GLRA3: variants seen among roughly 807,000 people sequenced by gnomAD.
The protein encoded by GLRA3 is glycine receptor alpha 3.
In GLRA3, 44 loss-of-function variants were observed where a neutral mutation model predicts 60.4. The ratio of observed to expected loss-of-function variants is 0.73; its 90% CI spans 0.57 to 0.94. GLRA3 has a LOEUF of 0.94. GLRA3 is among the 40% of genes least tolerant of loss of function. The pLI is 0.00. For missense variants in GLRA3, 508 were observed against 564.6 expected (o/e 0.90, Z 1.02); for synonymous variants, 223 against 192.9 (o/e 1.16, Z -1.29).
intron 4 of GLRA3, among the ~76,000 whole-genome samples, chr4:174,719,206 G>C (rs907338432): frequency 6.6e-6 from 1 of 151,062 alleles, no homozygotes. Flanking sequence ...CTCGTGATCC[G>C]CCCGCCTCGG....
chr4:174,822,441 GT>G (rs1740776526), intron 1 of GLRA3, among the ~76,000 whole-genome samples: 1 of 152,082 alleles, frequency 6.6e-6, no homozygotes, highest in Non-Finnish European at 1.5e-5. Flanking sequence ...GGAAAAAATA[GT>G]TCATTTTGTC....
At chr4:174,669,159 A>G (rs190700486) in intron 7 of GLRA3, among the ~76,000 whole-genome samples, 2 of 152,138 alleles carry the variant, frequency 1.3e-5, no homozygotes, top group East Asian at 1.9e-4. Context: ...CCTTAATCCT[A>G]CATTTCTCCT....
chr4:174,796,102 G>A (rs1172344989), intron 1 of GLRA3, among the ~76,000 whole-genome samples: 1 of 152,086 alleles, frequency 6.6e-6, no homozygotes, highest in Non-Finnish European at 1.5e-5. Context: ...AATAGGAGTG[G>A]GGACCTTTGG....
At chr4:174,800,703 A>G (rs1182409679) in intron 1 of GLRA3, among the ~76,000 whole-genome samples, 4 of 152,056 alleles carry the variant, frequency 2.6e-5, no homozygotes, top group Non-Finnish European at 4.4e-5. Flanking sequence ...CACAATGTCT[A>G]ATTCCTCTCT....
At chr4:174,646,958 G>A (rs1407924625) in intron 9 of GLRA3, among the ~76,000 whole-genome samples, 1 of 152,146 alleles carries the variant, frequency 6.6e-6, no homozygotes, top group Admixed American at 6.5e-5. Flanking sequence ...CGGTTTTGAG[G>A]TAGCCAAAGT....
intron 3 of GLRA3, among the ~76,000 whole-genome samples, chr4:174,757,844 T>G (rs1737779263): frequency 6.6e-6 from 1 of 152,110 alleles, no homozygotes; most frequent in Admixed American, 6.5e-5. Flanking sequence ...CTTCCAAATC[T>G]CGTGTTGAAA....
At position 174,638,797 on chromosome 4, in the gene GLRA3, A is replaced by G. The variant is rs1315478754; in HGVS notation, c.*4989T>C. The G allele has an allele frequency of 1.3e-5, 2 of 152,204 alleles. No homozygotes were observed. The highest frequency in any genetic ancestry group is 6.5e-5 in the Admixed American group (1 of 15,276). 9.4% of individuals were successfully genotyped at this position (152,204 alleles called of 1,614,324 possible). Reference sequence around the variant, plus strand: ...TTATTCCAAAAATACTAAATTTAGCACTTGGGACAGTGCCAGGCACACATA... The same window carrying G: ...TTATTCCAAAAATACTAAATTTAGCGCTTGGGACAGTGCCAGGCACACATA... On this transcript the variant is annotated 3_prime_UTR_variant, in exon 10 of 10. Transcript: ENST00000274093.
At chr4:174,734,940 A>G (rs1736710742) in intron 3 of GLRA3, among the ~76,000 whole-genome samples, 1 of 152,190 alleles carries the variant, frequency 6.6e-6, no homozygotes, top group African/African-American at 2.4e-5. Context: ...ATTTAGGTGT[A>G]AACACCTACA....
intron 3 of GLRA3, among the ~76,000 whole-genome samples, chr4:174,730,565 G>C (rs1025928706): frequency 6.6e-6 from 1 of 152,144 alleles, no homozygotes; most frequent in Non-Finnish European, 1.5e-5. Context: ...TAAAATAAAA[G>C]TACTCTTTAA....
In GLRA3 at chr4:174,682,955, T is replaced by G; in HGVS notation, c.575-16A>C. On this transcript the variant is annotated splice_polypyrimidine_tract_variant and intron_variant, in intron 5 of 9. Coordinates refer to ENST00000274093, the MANE Select transcript of GLRA3 (RefSeq NM_006529.4). The stretch of plus-strand genomic sequence containing the variant: ...GTGTACCCAACTAGGCAAAACATAA[T>G]AAAAATATGAATAGTCTAAAAAGGG... 2 of 1,600,420 alleles carry G rather than the reference T, an allele frequency of 1.2e-6. No individual in the cohort carries two copies. The highest frequency in any genetic ancestry group is 1.7e-6 in the Non-Finnish European group (2 of 1,169,354).
At position 174,643,987 on chromosome 4, in the gene GLRA3, C is replaced by A; in HGVS notation, c.1194G>T (p.Met398Ile). ...MGPCLQAKDGMTPKGPNHPVQ... is the reference protein window; with the variant it reads ...MGPCLQAKDGITPKGPNHPVQ... ...CAGGGTGGTTGGGGCCCTTTGGAGT[C>A]ATGCCATCCTTTGCTTGTAGACATG... The change falls in exon 10 of 10, where the codon ATG (methionine) becomes ATT (isoleucine). Residue 398 changes from methionine to isoleucine, a missense_variant. Around this residue, in one of 3 missense-constraint regions of GLRA3, gnomAD observed 176 missense variants for 197.9 expected, o/e 0.89. Coordinates refer to ENST00000274093, the MANE Select transcript of GLRA3 (RefSeq NM_006529.4). The A allele has an allele frequency of 6.2e-7, 1 of 1,613,900 alleles. No individual in the cohort carries two copies. The highest frequency in any genetic ancestry group is 8.5e-7 in the Non-Finnish European group (1 of 1,179,886).
At chr4:174,681,663 T>G (rs1734350075) in intron 6 of GLRA3, among the ~76,000 whole-genome samples, 1 of 152,152 alleles carries the variant, frequency 6.6e-6, no homozygotes, top group African/African-American at 2.4e-5. Context: ...ACACCTTGAA[T>G]TTTGGACTCC....
chr4:174,771,674 T>C (rs780422773), intron 2 of GLRA3, among the ~76,000 whole-genome samples: 1 of 152,006 alleles, frequency 6.6e-6, no homozygotes, highest in African/African-American at 2.4e-5. Context: ...CTGCACCTGA[T>C]TGGGATCTTT....
At chr4:174,770,884 T>C (rs1738352912) in intron 2 of GLRA3, among the ~76,000 whole-genome samples, 1 of 151,908 alleles carries the variant, frequency 6.6e-6, no homozygotes, top group Non-Finnish European at 1.5e-5. Context: ...ATATACACCA[T>C]GGAATACTAT....
chr4:174,652,181 A>G (rs960771595), intron 9 of GLRA3, among the ~76,000 whole-genome samples: 1 of 152,126 alleles, frequency 6.6e-6, no homozygotes, highest in African/African-American at 2.4e-5. Context: ...GTGTTTATGT[A>G]TGCTTACGTG....
chr4:174,680,009 T>A (rs1734280666), intron 6 of GLRA3, among the ~76,000 whole-genome samples: 1 of 152,166 alleles, frequency 6.6e-6, no homozygotes, highest in Non-Finnish European at 1.5e-5. Context: ...TTTGGAATGT[T>A]CCCAACACAA....
At chr4:174,783,659 G>C (rs1273202540) in intron 2 of GLRA3, among the ~76,000 whole-genome samples, 1 of 145,692 alleles carries the variant, frequency 6.9e-6, no homozygotes, top group Admixed American at 6.8e-5. Context: ...AGTGGGCGAA[G>C]GACATGAACA....
chr4:174,765,032 A>T (rs1426039579), intron 3 of GLRA3, among the ~76,000 whole-genome samples: 1 of 152,058 alleles, frequency 6.6e-6, no homozygotes, highest in Admixed American at 6.6e-5. Flanking sequence ...GAAGTGAGTG[A>T]TAGATGCTCA....
At chr4:174,662,023 G>A (rs1407238677) in intron 7 of GLRA3, among the ~76,000 whole-genome samples, 3 of 152,206 alleles carry the variant, frequency 2.0e-5, no homozygotes, top group Non-Finnish European at 4.4e-5. Flanking sequence ...ATTTGAGGTT[G>A]TAGCTGAACT....
Sources: allele counts gnomAD v4.1 joint callset (sites outside exome capture counted in the v4.1 genomes callset), GRCh38; gene constraint gnomAD v4.1.1; regional missense constraint gnomAD v4.1.1; transcripts MANE v1.5; gene names NCBI Gene and HGNC (gene_info 2026-07-23, HGNC 2026-07-21).